The following LRP1B variants were observed in gnomAD, a reference collection of about 807,000 sequenced individuals.
LRP1B encodes LDL receptor related protein 1B, also known as low-density lipoprotein receptor-related protein 1B.
In LRP1B, 217 loss-of-function variants were observed where a neutral mutation model predicts 556.6. That is an observed-to-expected ratio of 0.39 (90% CI 0.35 to 0.44). The LOEUF (loss-of-function observed/expected upper bound fraction) is 0.44, where lower values mean the gene tolerates loss of function less well. Among genes scored for constraint, LRP1B ranks in the 20% least tolerant of loss-of-function variants. The pLI is 1.00. For missense variants in LRP1B, 5,053 were observed against 5,620.8 expected, an observed-to-expected ratio of 0.90 and a Z score of 3.23; for synonymous variants, 2,047 against 1,865.8, an observed-to-expected ratio of 1.10 and a Z score of -2.50.
chr2:140,774,746 C>T (rs750179659), intron 33 of LRP1B, among the ~76,000 whole-genome samples: 1 of 152,106 alleles, frequency 6.6e-6, no homozygotes, highest in Non-Finnish European at 1.5e-5. Context: ...TTCTCAATTA[C>T]GTAATCTATT....
At chr2:140,567,781 C>A (rs929072043) in intron 43 of LRP1B, among the ~76,000 whole-genome samples, 1 of 152,162 alleles carries the variant, frequency 6.6e-6, no homozygotes, top group African/African-American at 2.4e-5. Flanking sequence ...CCATTGCCAC[C>A]AAAGACCTTA....
intron 84 of LRP1B, among the ~76,000 whole-genome samples, chr2:140,290,386 G>C (rs532666539): frequency 2.2e-4 from 33 of 152,088 alleles, no homozygotes; most frequent in African/African-American, 7.9e-4. Flanking sequence ...ATCCAGACAA[G>C]GGATGATAAG....
intron 66 of LRP1B, among the ~76,000 whole-genome samples, chr2:140,425,653 G>T (rs1685622266): frequency 2.0e-5 from 3 of 152,108 alleles, no homozygotes; most frequent in Admixed American, 1.3e-4. Context: ...TGGTGATCCT[G>T]CCTCAGCATC....
intron 1 of LRP1B, among the ~76,000 whole-genome samples, chr2:142,109,022 G>T (rs1212486954): frequency 6.6e-6 from 1 of 152,118 alleles, no homozygotes; most frequent in African/African-American, 2.4e-5. Flanking sequence ...GTGCTGGGGT[G>T]CCTTATTATT....
At chr2:140,930,206 C>T (rs1695010806) in intron 20 of LRP1B, among the ~76,000 whole-genome samples, 1 of 152,134 alleles carries the variant, frequency 6.6e-6, no homozygotes, top group Admixed American at 6.6e-5. Context: ...TATGTGCATG[C>T]TGTTTTGCTG....
chr2:141,271,000 G>T (rs200272855), intron 3 of LRP1B, among the ~76,000 whole-genome samples: 1 of 151,892 alleles, frequency 6.6e-6, no homozygotes, highest in African/African-American at 2.4e-5. Flanking sequence ...AGAAGTAAAT[G>T]AAGCTATAAA....
At chr2:141,622,984 T>C (rs574946701) in intron 2 of LRP1B, among the ~76,000 whole-genome samples, 1 of 152,334 alleles carries the variant, frequency 6.6e-6, no homozygotes, top group East Asian at 1.9e-4. Context: ...GTTCCAATGA[T>C]GCTGATTATC....
At chr2:141,240,202 A>G (rs917252806) in intron 5 of LRP1B, among the ~76,000 whole-genome samples, 4 of 152,092 alleles carry the variant, frequency 2.6e-5, no homozygotes, top group Non-Finnish European at 5.9e-5. Flanking sequence ...AATATGTGGA[A>G]TATTAGTTAT....
intron 2 of LRP1B, among the ~76,000 whole-genome samples, chr2:141,502,907 A>T (rs1208883176): frequency 1.3e-5 from 2 of 150,708 alleles, no homozygotes; most frequent in African/African-American, 4.8e-5. Flanking sequence ...GACAGCTAGG[A>T]TATATAAGTT....
intron 3 of LRP1B, among the ~76,000 whole-genome samples, chr2:141,467,864 A>G (rs939673683): frequency 4.7e-5 from 7 of 148,734 alleles, no homozygotes; most frequent in African/African-American, 9.9e-5. Context: ...TCCAGCATAC[A>G]GTGTAGCACA....
intron 31 of LRP1B, among the ~76,000 whole-genome samples, chr2:140,830,456 T>C (rs1691677116): frequency 6.6e-6 from 1 of 152,012 alleles, no homozygotes; most frequent in Admixed American, 6.6e-5. Context: ...CCTATGCAAA[T>C]TAATAAATAT....
At chr2:140,583,863 A>T (rs1169472169) in intron 43 of LRP1B, among the ~76,000 whole-genome samples, 2 of 152,170 alleles carry the variant, frequency 1.3e-5, no homozygotes, top group African/African-American at 4.8e-5. Flanking sequence ...CTTTTCTGCT[A>T]AACAGTTTTG....
At chr2:140,354,169 T>C (rs1682104091) in intron 75 of LRP1B, among the ~76,000 whole-genome samples, 1 of 152,080 alleles carries the variant, frequency 6.6e-6, no homozygotes. Flanking sequence ...TTATCACTTA[T>C]AATCTCCTAA....
intron 2 of LRP1B, among the ~76,000 whole-genome samples, chr2:141,779,714 T>A (rs1695189127): frequency 6.6e-6 from 1 of 152,136 alleles, no homozygotes. Context: ...AACCTACTGT[T>A]CTAGGTATTG....
chr2:141,204,291 C>A (rs1477714237), intron 6 of LRP1B, among the ~76,000 whole-genome samples: 1 of 152,140 alleles, frequency 6.6e-6, no homozygotes, highest in Non-Finnish European at 1.5e-5. Context: ...AAACCAATCA[C>A]CAAATGACTT....
chr2:141,186,622 A>G (rs1218697637), intron 7 of LRP1B, among the ~76,000 whole-genome samples: 1 of 152,076 alleles, frequency 6.6e-6, no homozygotes, highest in African/African-American at 2.4e-5. Flanking sequence ...CAAAGAACCT[A>G]TTCTGATAAA....
Position 140,695,518 on chromosome 2 carries a change from G to C in LRP1B, c.6799+4732C>G, listed in dbSNP as rs143173367. ...CTCTCTGTAGCATCTATGTAGCCTG[G>C]AATCTCAGAATTCTGTTTCAGTCAT... On this transcript the variant is annotated intron_variant, in intron 41 of 90. Coordinates refer to ENST00000389484, the MANE Select transcript of LRP1B (RefSeq NM_018557.3). Among the ~76,000 whole-genome samples, 5 of 152,202 alleles carry C rather than the reference G, an allele frequency of 3.3e-5. No individual in the cohort carries two copies. In the East Asian group the frequency reaches 9.7e-4, roughly 29 times the overall value.
intron 2 of LRP1B, among the ~76,000 whole-genome samples, chr2:141,733,995 TC>T (rs771765016): frequency 1.3e-5 from 2 of 152,162 alleles, no homozygotes; most frequent in African/African-American, 2.4e-5. Flanking sequence ...TATGTCTTCT[TC>T]ATCTTTATAG....
chr2:141,242,792 G>T (rs1284923353), intron 5 of LRP1B, among the ~76,000 whole-genome samples: 4 of 152,032 alleles, frequency 2.6e-5, no homozygotes, highest in Non-Finnish European at 5.9e-5. Flanking sequence ...TGGGATAAGT[G>T]CCTGCCTTCA....
Sources: gnomAD v4.1 joint callset for allele counts (sites outside exome capture counted in the v4.1 genomes callset) on GRCh38, gnomAD v4.1.1 for gene constraint, MANE v1.5 for transcripts, NCBI Gene and HGNC (gene_info 2026-07-23, HGNC 2026-07-21) for gene names.